Variants in GPC5 observed in about 807,000 individuals in gnomAD.
GPC5 encodes glypican 5.
A neutral mutation model predicts 53.9 loss-of-function variants in GPC5; 47 were observed. The observed-to-expected ratio is 0.87, with a 90% CI of 0.69 to 1.11. The LOEUF is 1.11. GPC5 is among the 50% of genes most tolerant of loss of function. The pLI is 0.00. For missense variants in GPC5, 748 were observed against 713.1 expected, an observed-to-expected ratio of 1.05 and a Z score of -0.56; for synonymous variants, 286 against 263.3, an observed-to-expected ratio of 1.09 and a Z score of -0.84.
chr13:92,826,480 A>C (rs1171695629), intron 7 of GPC5, among the ~76,000 whole-genome samples: 1 of 152,162 alleles, frequency 6.6e-6, no homozygotes, highest in African/African-American at 2.4e-5. Context: ...AAGAGGACTT[A>C]AGACAAGCAC....
At chr13:91,405,364 G>A (rs1326826168) in intron 1 of GPC5, among the ~76,000 whole-genome samples, 1 of 152,108 alleles carries the variant, frequency 6.6e-6, no homozygotes, top group Admixed American at 6.5e-5. Flanking sequence ...AATGACTCCT[G>A]ACTTTGCCAA....
At chr13:92,719,359 C>A (rs1248356077) in intron 7 of GPC5, among the ~76,000 whole-genome samples, 1 of 151,988 alleles carries the variant, frequency 6.6e-6, no homozygotes, top group African/African-American at 2.4e-5. Flanking sequence ...TAAAAGAAAT[C>A]AAAAATTTTT....
intron 6 of GPC5, among the ~76,000 whole-genome samples, chr13:91,952,113 G>A (rs747627788): frequency 6.6e-6 from 1 of 151,924 alleles, no homozygotes; most frequent in African/African-American, 2.4e-5. Context: ...TATATGTTCT[G>A]CTAGGTATTA....
chr13:91,450,802 T>G (rs1224718659), intron 2 of GPC5, among the ~76,000 whole-genome samples: 1 of 152,098 alleles, frequency 6.6e-6, no homozygotes, highest in Non-Finnish European at 1.5e-5. Context: ...AATTTCTTCC[T>G]TAGTAGATGT....
chr13:91,975,378 A>G (rs1162841585), intron 6 of GPC5, among the ~76,000 whole-genome samples: 1 of 151,664 alleles, frequency 6.6e-6, no homozygotes. Context: ...TCATCTGACA[A>G]AGGGCTAATA....
At chr13:92,060,840 A>G (rs1217641390) in intron 6 of GPC5, among the ~76,000 whole-genome samples, 1 of 152,116 alleles carries the variant, frequency 6.6e-6, no homozygotes, top group Non-Finnish European at 1.5e-5. Flanking sequence ...TTACCTTAAT[A>G]CAGCCTAAGT....
At chr13:91,482,383 A>G (rs1883353324) in intron 2 of GPC5, among the ~76,000 whole-genome samples, 1 of 152,114 alleles carries the variant, frequency 6.6e-6, no homozygotes, top group African/African-American at 2.4e-5. Flanking sequence ...AGCCTCTAGT[A>G]CTGTGAGGAA....
chr13:92,818,854 G>T (rs902063409), intron 7 of GPC5, among the ~76,000 whole-genome samples: 1 of 151,936 alleles, frequency 6.6e-6, no homozygotes, highest in Non-Finnish European at 1.5e-5. Context: ...ATAATACACT[G>T]CTCTAACCCA....
intron 7 of GPC5, among the ~76,000 whole-genome samples, chr13:92,282,217 A>T (rs61966611): frequency 0.045 from 6,889 of 152,284 alleles, 163 homozygotes; most frequent in East Asian, 0.065. Context: ...AAAAGAAATG[A>T]ACAAAGCCTC....
At chr13:91,504,818 G>A (rs1228857880) in intron 2 of GPC5, among the ~76,000 whole-genome samples, 1 of 152,032 alleles carries the variant, frequency 6.6e-6, no homozygotes, top group Non-Finnish European at 1.5e-5. Context: ...GCTGGGCATG[G>A]TGGCATGCAC....
intron 7 of GPC5, among the ~76,000 whole-genome samples, chr13:92,730,136 A>T (rs977784876): frequency 1.3e-5 from 2 of 151,436 alleles, no homozygotes; most frequent in Non-Finnish European, 3.0e-5. Flanking sequence ...GAAAGAAAGG[A>T]CACACTACTT....
chr13:92,017,738 TACAC>T (rs768366487), intron 6 of GPC5, among the ~76,000 whole-genome samples: 58 of 151,664 alleles, frequency 3.8e-4, no homozygotes, highest in Middle Eastern at 3.4e-3. Context: ...CATGCACAAG[TACAC>T]ACACACTTCC....
chr13:91,432,228 T>TGGGGGG (rs1390495013), intron 1 of GPC5, among the ~76,000 whole-genome samples: 24 of 150,748 alleles, frequency 1.6e-4, no homozygotes, highest in African/African-American at 4.7e-4. Flanking sequence ...TGTGTGTGTG[T>TGGGGGG]GTGTGTGTGT....
chr13:92,682,136 A>G (rs1410581241), intron 7 of GPC5, among the ~76,000 whole-genome samples: 2 of 152,142 alleles, frequency 1.3e-5, no homozygotes, highest in African/African-American at 2.4e-5. Flanking sequence ...TTTTGTCTCT[A>G]CCTCTTACAT....
intron 1 of GPC5, among the ~76,000 whole-genome samples, chr13:91,402,294 T>C (rs558718021): frequency 2.3e-3 from 348 of 152,332 alleles, no homozygotes; most frequent in African/African-American, 7.9e-3. Flanking sequence ...AGATTTTGGC[T>C]ATAAATAGAG....
At chr13:91,882,691 G>GTTTTTTTTTTTTTTT (rs2039280086) in intron 5 of GPC5, among the ~76,000 whole-genome samples, 1 of 10,352 alleles carries the variant, frequency 9.7e-5, no homozygotes, top group Non-Finnish European at 2.0e-4. Flanking sequence ...TTTTTTTTTC[G>GTTTTTTTTTTTTTTT]TAATTTCAGT....
chr13:92,696,053 A>T lies in GPC5; in HGVS notation c.1562-170229A>T, dbSNP rs192861805. ...TCATCCTTTTTTATGGCTGCATAGT[A>T]TTCCATGGTGTATATGTGCCACCTT... On this transcript the variant is annotated intron_variant, in intron 7 of 7. Transcript: ENST00000377067. Among the ~76,000 whole-genome samples the T allele has an allele frequency of 1.0e-3, 153 of 152,242 alleles. 3 individuals are homozygous for T. The highest frequency in any genetic ancestry group is 3.6e-3 in the African/African-American group (149 of 41,540).
chr13:92,557,053 G>A lies in GPC5; in HGVS notation c.1562-309229G>A, dbSNP rs142958655. The stretch of plus-strand genomic sequence containing the variant: ...TCAGATAACAGGATTGACTATGCTT[G>A]ATATTCATTTTTTTTGGTCTTAGCA... On this transcript the variant is annotated intron_variant, in intron 7 of 7. Transcript: ENST00000377067. Among the ~76,000 whole-genome samples the A allele has an allele frequency of 8.7e-4, 130 of 150,092 alleles. 4 individuals carry two copies. The East Asian group carries it at 0.024, about 27-fold the overall frequency.
chr13:92,360,150 G>T (rs1366047422), intron 7 of GPC5, among the ~76,000 whole-genome samples: 1 of 151,644 alleles, frequency 6.6e-6, no homozygotes, highest in Admixed American at 6.6e-5. Flanking sequence ...AATTTGTCAT[G>T]AATTATTTTC....
Sources: gnomAD v4.1 joint callset for allele counts (sites outside exome capture counted in the v4.1 genomes callset) on GRCh38, gnomAD v4.1.1 for gene constraint, MANE v1.5 for transcripts, NCBI Gene and HGNC (gene_info 2026-07-23, HGNC 2026-07-21) for gene names.